The following ST8SIA5 variants were observed in gnomAD, a reference collection of about 807,000 sequenced individuals.
ST8SIA5 encodes ST8 alpha-N-acetyl-neuraminide alpha-2,8-sialyltransferase 5.
In ST8SIA5, 24 loss-of-function variants were observed where a neutral mutation model predicts 40.2. The observed-to-expected ratio is 0.60, with a 90% confidence interval of 0.43 to 0.84. The LOEUF is 0.84. Among genes scored for constraint, ST8SIA5 ranks in the 40% least tolerant of loss-of-function variants. The pLI is 0.00. For missense variants in ST8SIA5, 465 were observed against 498.5 expected, an observed-to-expected ratio of 0.93 and a Z score of 0.64; for synonymous variants, 198 against 201.8, an observed-to-expected ratio of 0.98 and a Z score of 0.16.
rs1158554264 is a variant in ST8SIA5, at chr18:46,675,192, G to A, written c.*4850C>T. 1 of 152,276 alleles carries A rather than the reference G, an allele frequency of 6.6e-6. No homozygotes were observed. Among genetic ancestry groups the A allele is most frequent in the African/African-American group, 2.4e-5 (1 of 41,442 alleles). The allele number at this position is 152,276 out of a possible 1,614,324, so 9.4% of individuals were successfully genotyped here. A position where few individuals can be genotyped will look rare whatever the true frequency, so the allele number is the denominator to read the frequency against. On this transcript the variant is annotated 3_prime_UTR_variant, in exon 7 of 7. Transcript: ENST00000315087. ...AATAGACATAAAGAGTGAAGGAGAA[G>A]GAAGAGGCAAAGGTGATCCAAGTTT...
At chr18:46,699,475 G>A (rs902388089) in intron 2 of ST8SIA5, among the ~76,000 whole-genome samples, 2 of 151,876 alleles carry the variant, frequency 1.3e-5, no homozygotes, top group African/African-American at 4.8e-5. Context: ...CGCCTGCTGG[G>A]TTCACGCCAT....
At chr18:46,727,318 G>A (rs2039941131) in intron 1 of ST8SIA5, among the ~76,000 whole-genome samples, 1 of 152,122 alleles carries the variant, frequency 6.6e-6, no homozygotes, top group African/African-American at 2.4e-5. Flanking sequence ...TGACAACCTG[G>A]CTCAGCCAGG....
At chr18:46,716,458 T>C (rs895699880) in intron 1 of ST8SIA5, among the ~76,000 whole-genome samples, 1 of 152,190 alleles carries the variant, frequency 6.6e-6, no homozygotes, top group African/African-American at 2.4e-5. Context: ...GGGAGAAGGC[T>C]GTCCCACCCA....
rs1338354162 is a variant in ST8SIA5, at chr18:46,747,653, G to A, written c.131+8725C>T. ...GTAAATTAGTTCAATGATTGTGGAA[G>A]ACAGTGTGGTGGTTCCTCAAGGATC... On this transcript the variant is annotated intron_variant, in intron 1 of 6. Coordinates refer to ENST00000315087, the MANE Select transcript of ST8SIA5 (RefSeq NM_013305.6). Among the ~76,000 whole-genome samples the A allele has an allele frequency of 4.6e-5, 7 of 152,344 alleles. No individual in the cohort carries two copies. In the South Asian group the frequency reaches 1.4e-3, roughly 32 times the overall value.
At chr18:46,729,573 TGTTG>T (rs2039966294) in intron 1 of ST8SIA5, among the ~76,000 whole-genome samples, 2 of 152,078 alleles carry the variant, frequency 1.3e-5, no homozygotes, top group South Asian at 4.1e-4. Context: ...GTGTTAGAGG[TGTTG>T]CCAGGCAAAC....
At chr18:46,725,766 T>C (rs940625753) in intron 1 of ST8SIA5, among the ~76,000 whole-genome samples, 3 of 151,412 alleles carry the variant, frequency 2.0e-5, no homozygotes, top group African/African-American at 2.4e-5. Flanking sequence ...GGATCTATTA[T>C]TAGTCAAAGA....
intron 1 of ST8SIA5, among the ~76,000 whole-genome samples, chr18:46,716,748 A>C (rs1034979924): frequency 1.3e-5 from 2 of 152,250 alleles, no homozygotes; most frequent in Non-Finnish European, 2.9e-5. Flanking sequence ...GAGCAAACAC[A>C]GAAGGATTAT....
Position 46,756,736 on chromosome 18 carries a change from T to G in ST8SIA5, c.-228A>C, listed in dbSNP as rs2144583057. On this transcript the variant is annotated 5_prime_UTR_variant, in exon 1 of 7. Coordinates refer to ENST00000315087, the MANE Select transcript of ST8SIA5 (RefSeq NM_013305.6). Reference sequence around the variant, plus strand: ...GGACAGGGCCGGTGGCAGGGAGCTCTGCCGCGGCCAGGGGCCTTCCCCACC... The same window carrying G: ...GGACAGGGCCGGTGGCAGGGAGCTCGGCCGCGGCCAGGGGCCTTCCCCACC... The G allele has an allele frequency of 2.0e-6, 1 of 493,220 alleles. No homozygotes were observed. The highest frequency in any genetic ancestry group is 3.5e-6 in the Non-Finnish European group (1 of 287,666). The allele number at this position is 493,220 out of a possible 1,614,324, so 30.6% of individuals were successfully genotyped here.
chr18:46,725,809 G>A (rs1336221524), intron 1 of ST8SIA5, among the ~76,000 whole-genome samples: 2 of 150,940 alleles, frequency 1.3e-5, no homozygotes, highest in East Asian at 3.9e-4. Context: ...GAGGTATAAA[G>A]GAAGATGACA....
At chr18:46,728,349 G>A (rs745966118) in intron 1 of ST8SIA5, among the ~76,000 whole-genome samples, 3 of 152,228 alleles carry the variant, frequency 2.0e-5, no homozygotes, top group Non-Finnish European at 4.4e-5. Context: ...ACACAGGAAG[G>A]GGAGGAAGTG....
In ST8SIA5 at chr18:46,704,648, CA is replaced by C. The variant is rs2039652310; in HGVS notation, c.147del (p.Tyr49Ter). ...RNYIKRYFEF[Y>X]EGPFEYNSTR... is the part of the protein sequence containing the mutation. ...GTGGAGTTATATTCAAAAGGCCCCTCATAAAATTCAAAGTACCTGGGGACCA... is the reference window on the plus strand; with the variant it reads ...GTGGAGTTATATTCAAAAGGCCCCTCTAAAATTCAAAGTACCTGGGGACCA... On this transcript the variant is annotated frameshift_variant, in exon 2 of 7. Transcript: ENST00000315087. LOFTEE classifies it high-confidence loss of function. 1 of 1,614,060 alleles carries C rather than the reference CA, an allele frequency of 6.2e-7. No individual in the cohort carries two copies. Among genetic ancestry groups the C allele is most frequent in the Admixed American group, 1.7e-5 (1 of 60,004 alleles).
chr18:46,722,461 T>C (rs530552029), intron 1 of ST8SIA5, among the ~76,000 whole-genome samples: 58 of 152,384 alleles, frequency 3.8e-4, no homozygotes, highest in African/African-American at 1.4e-3. Flanking sequence ...GGCTTCTGAA[T>C]GCTTGGGTCA....
rs914529951 is a variant in ST8SIA5, at chr18:46,676,485, C to G, written c.*3557G>C. The G allele has an allele frequency of 6.6e-6, 1 of 152,256 alleles. No individual in the cohort carries two copies. Among genetic ancestry groups the G allele is most frequent in the Admixed American group, 6.5e-5 (1 of 15,290 alleles). 9.4% of individuals were successfully genotyped at this position (152,256 alleles called of 1,614,324 possible). A position where few individuals can be genotyped will look rare whatever the true frequency, so the allele number is the denominator to read the frequency against. Reference sequence around the variant, plus strand: ...CTACTCTGCCTCAGTTGTTTCTAAGCACTGCTCTGCTTCCTCCCTGCTCTC... The same window carrying G: ...CTACTCTGCCTCAGTTGTTTCTAAGGACTGCTCTGCTTCCTCCCTGCTCTC... On this transcript the variant is annotated 3_prime_UTR_variant, in exon 7 of 7. Coordinates refer to ENST00000315087, the MANE Select transcript of ST8SIA5 (RefSeq NM_013305.6).
At chr18:46,742,769 C>G (rs2040099953) in intron 1 of ST8SIA5, among the ~76,000 whole-genome samples, 2 of 152,166 alleles carry the variant, frequency 1.3e-5, no homozygotes, top group South Asian at 4.1e-4. Flanking sequence ...TCAAGGGGGT[C>G]CCTGACCCCC....
intron 1 of ST8SIA5, among the ~76,000 whole-genome samples, chr18:46,718,438 A>G (rs1193875200): frequency 1.3e-5 from 2 of 151,004 alleles, no homozygotes; most frequent in South Asian, 2.1e-4. Context: ...AAATTAATAA[A>G]GCTATATGTC....
At chr18:46,746,647 G>A (rs1270792583) in intron 1 of ST8SIA5, among the ~76,000 whole-genome samples, 15 of 152,078 alleles carry the variant, frequency 9.9e-5, no homozygotes, top group African/African-American at 3.4e-4. Flanking sequence ...TACTGCCCAA[G>A]GTAATTTACA....
chr18:46,704,610 C>G lies in ST8SIA5; in HGVS notation c.186G>C (p.Glu62Asp). Residue 62 changes from glutamate (E) to aspartate (D), a missense_variant, in exon 2 of 7, where the codon GAG (glutamate) becomes GAC (aspartate). Transcript: ENST00000315087. ...TCACTTCCAATATTTCGTGCCTCAG[C>G]TCCAGGCATCTTGTGGAGTTATATT... ...PFEYNSTRCL[E>D]LRHEILEVKV... The G allele has an allele frequency of 6.2e-7, 1 of 1,614,128 alleles. No homozygotes were observed. Among genetic ancestry groups the G allele is most frequent in the Non-Finnish European group, 8.5e-7 (1 of 1,180,028 alleles).
chr18:46,671,235 C>A lies in ST8SIA5; in HGVS notation c.*8807G>T, dbSNP rs184353057. The A allele has an allele frequency of 6.6e-6, 1 of 152,150 alleles. No homozygotes were observed. Among genetic ancestry groups the A allele is most frequent in the African/African-American group, 2.4e-5 (1 of 41,436 alleles). 9.4% of individuals were successfully genotyped at this position (152,150 alleles called of 1,614,324 possible). ...CTCTCATGGGGGTTGAAGTTGCCCA[C>A]GTTGTGGGGGCATCTTTGGAGGAGG... On this transcript the variant is annotated 3_prime_UTR_variant, in exon 7 of 7. Coordinates refer to ENST00000315087, the MANE Select transcript of ST8SIA5 (RefSeq NM_013305.6).
intron 1 of ST8SIA5, among the ~76,000 whole-genome samples, chr18:46,725,971 AAATATATAT>A (rs1188928355): frequency 1.9e-4 from 8 of 42,704 alleles, no homozygotes; most frequent in African/African-American, 5.0e-4. Context: ...AAAAAAAAAA[AAATATATAT>A]ATATATATAT....
Sources: allele counts gnomAD v4.1 joint callset (sites outside exome capture counted in the v4.1 genomes callset), GRCh38; gene constraint gnomAD v4.1.1; transcripts MANE v1.5; gene names NCBI Gene and HGNC (gene_info 2026-07-23, HGNC 2026-07-21).